TMEM266: variants seen among roughly 807,000 people sequenced by gnomAD.
TMEM266 encodes Hv1 related protein 1.
In TMEM266, 33 loss-of-function variants were observed where a neutral mutation model predicts 50.5. The ratio of observed to expected loss-of-function variants is 0.65; its 90% CI spans 0.50 to 0.87. TMEM266 has a LOEUF of 0.87. TMEM266 is among the 40% of genes least tolerant of loss of function. The probability of loss-of-function intolerance (pLI) is 0.00; values close to 1 mark genes in which losing one functional copy is unlikely to be tolerated. For missense variants in TMEM266, 655 were observed against 695.1 expected, an observed-to-expected ratio of 0.94 and a Z score of 0.65; for synonymous variants, 310 against 292.3, an observed-to-expected ratio of 1.06 and a Z score of -0.62.
chr15:76,143,164 C>G (rs1397933800), intron 3 of TMEM266, among the ~76,000 whole-genome samples: 1 of 152,208 alleles, frequency 6.6e-6, no homozygotes, highest in Non-Finnish European at 1.5e-5. Context: ...CCTTCTCAGG[C>G]ACCTGCTTCA....
chr15:76,092,289 C>T (rs1043618237), intron 1 of TMEM266, among the ~76,000 whole-genome samples: 3 of 152,042 alleles, frequency 2.0e-5, no homozygotes, highest in African/African-American at 7.2e-5. Context: ...TTTCCCAAAG[C>T]ATGCTAAACT....
At chr15:76,097,358 T>C (rs922648935) in intron 1 of TMEM266, among the ~76,000 whole-genome samples, 2 of 152,066 alleles carry the variant, frequency 1.3e-5, no homozygotes, top group African/African-American at 2.4e-5. Flanking sequence ...GTTTTATTTC[T>C]CCTTCACTTA....
chr15:76,198,076 G>A (rs990356985), intron 9 of TMEM266, among the ~76,000 whole-genome samples: 1 of 152,168 alleles, frequency 6.6e-6, no homozygotes, highest in African/African-American at 2.4e-5. Context: ...GTTCAGGGAG[G>A]CAAGGGATGG....
intron 8 of TMEM266, chr15:76,175,998 T>G: frequency 4.1e-6 from 1 of 245,236 alleles, no homozygotes. Context: ...ACATGGTCGG[T>G]CTCTAAAGCC....
rs183339177 is a variant in TMEM266, at chr15:76,153,527, A to T, written c.228-3077A>T. ...GTTTTAGGGGCCGCAGACAACGGTA[A>T]TGGGCATTGGGGAGAATGTGGAATT... On this transcript the variant is annotated intron_variant, in intron 3 of 10. Transcript: ENST00000388942. This position sits in a 1 kb window ranked among gnomAD's most constrained non-coding sequence, Gnocchi z 4.2. Among the ~76,000 whole-genome samples, 30 of 152,314 alleles carry T rather than the reference A, an allele frequency of 2.0e-4. No homozygotes were observed. Among genetic ancestry groups the T allele is most frequent in the Admixed American group, 1.4e-3 (21 of 15,308 alleles).
chr15:76,062,715 A>T (rs976601672), intron 1 of TMEM266, among the ~76,000 whole-genome samples: 2 of 152,246 alleles, frequency 1.3e-5, no homozygotes, highest in African/African-American at 4.8e-5. Context: ...ATTTCATTTA[A>T]TGCAGAGCTG....
chr15:76,120,731 A>G (rs940901911), intron 1 of TMEM266, among the ~76,000 whole-genome samples: 3 of 146,438 alleles, frequency 2.0e-5, no homozygotes, highest in African/African-American at 7.7e-5. Context: ...GCTGCACTCC[A>G]GCCTGGGTTA....
intron 1 of TMEM266, among the ~76,000 whole-genome samples, chr15:76,093,007 C>G (rs1192795623): frequency 6.6e-6 from 1 of 151,352 alleles, no homozygotes; most frequent in African/African-American, 2.4e-5. Context: ...GGGGTTTCAC[C>G]ATATTGGTCA....
intron 1 of TMEM266, among the ~76,000 whole-genome samples, chr15:76,116,982 C>A (rs79239414): frequency 6.6e-6 from 1 of 151,086 alleles, no homozygotes; most frequent in East Asian, 1.9e-4. Flanking sequence ...TCACTGCAAC[C>A]TCCACCTCCC....
In TMEM266 at chr15:76,202,919, A is replaced by G. The variant is rs543064882; in HGVS notation, c.1021+655A>G. Reference sequence around the variant, plus strand: ...TGCATTTGAATTTTTTGTTTTCCACAATTTAGTCTCCCTAAGGCCTCATCC... The same window carrying G: ...TGCATTTGAATTTTTTGTTTTCCACGATTTAGTCTCCCTAAGGCCTCATCC... On this transcript the variant is annotated intron_variant, in intron 10 of 10. Coordinates refer to ENST00000388942, the MANE Select transcript of TMEM266 (RefSeq NM_152335.3). Among the ~76,000 whole-genome samples the G allele has an allele frequency of 3.3e-5, 5 of 151,970 alleles. No individual in the cohort carries two copies. The East Asian group carries it at 9.7e-4, about 29-fold the overall frequency.
At chr15:76,201,244 T>G (rs2038742235) in intron 9 of TMEM266, among the ~76,000 whole-genome samples, 2 of 152,184 alleles carry the variant, frequency 1.3e-5, no homozygotes, top group African/African-American at 4.8e-5. Context: ...GGCCCCTCAC[T>G]GCCTCGCTGC....
intron 9 of TMEM266, among the ~76,000 whole-genome samples, chr15:76,195,565 T>C (rs2038641203): frequency 6.6e-6 from 1 of 152,248 alleles, no homozygotes; most frequent in Non-Finnish European, 1.5e-5. Flanking sequence ...AGATTTACCA[T>C]CTCAGCCCAT....
At chr15:76,184,683 G>A (rs369965494) in intron 8 of TMEM266, among the ~76,000 whole-genome samples, 8 of 152,092 alleles carry the variant, frequency 5.3e-5, no homozygotes, top group African/African-American at 1.9e-4. Flanking sequence ...CTCCACAACC[G>A]GACCATTAAA....
chr15:76,137,777 A>T lies in TMEM266; in HGVS notation c.109A>T (p.Ile37Phe). 1.2e-6 allele frequency: 2 copies of T among 1,614,228 alleles called. No individual in the cohort carries two copies. The highest frequency in any genetic ancestry group is 8.5e-7 in the Non-Finnish European group (1 of 1,180,040). ...ACAAGTAGACGAAGAAACCAAGAGC[A>T]TTGCTCCTGTGCAGCTGGTGAACTT... Residue 37 changes from isoleucine to phenylalanine, a missense_variant, in exon 3 of 11, where the codon ATT (isoleucine) becomes TTT (phenylalanine). Physicochemically the swap from Ile to Phe is conservative, Grantham distance 21. This residue lies in a region of TMEM266 where 99 missense variants were observed against 110.8 expected (regional missense o/e 0.89). Coordinates refer to ENST00000388942, the MANE Select transcript of TMEM266 (RefSeq NM_152335.3).
chr15:76,148,747 C>G (rs1301664586), intron 3 of TMEM266, among the ~76,000 whole-genome samples: 1 of 107,918 alleles, frequency 9.3e-6, no homozygotes, highest in African/African-American at 3.6e-5. Context: ...TGAGCTCTTG[C>G]CACCATACCC....
At position 76,161,325 on chromosome 15, in the gene TMEM266, C is replaced by T. The variant is rs1277870882; in HGVS notation, c.456+1157C>T. Among the ~76,000 whole-genome samples, 5 of 152,126 alleles carry T rather than the reference C, an allele frequency of 3.3e-5. No homozygotes were observed. Among genetic ancestry groups the T allele is most frequent in the East Asian group, 1.9e-4 (1 of 5,190 alleles). ...CTGAGGCACAGGGGCTCTGGGACCC[C>T]GAGACGGGGGGCCTTGAAGGGAGGA... is the stretch of plus-strand genomic sequence containing the variant. On this transcript the variant is annotated intron_variant, in intron 5 of 10. Transcript: ENST00000388942. This position sits in a 1 kb window ranked among gnomAD's most constrained non-coding sequence, Gnocchi z 4.1.
chr15:76,083,114 C>T (rs1289516277), intron 1 of TMEM266, among the ~76,000 whole-genome samples: 1 of 152,094 alleles, frequency 6.6e-6, no homozygotes, highest in African/African-American at 2.4e-5. Flanking sequence ...TTCCCACCTC[C>T]AACACTGGGG....
At chr15:76,143,554 C>T (rs906069571) in intron 3 of TMEM266, among the ~76,000 whole-genome samples, 2 of 152,216 alleles carry the variant, frequency 1.3e-5, no homozygotes, top group Admixed American at 1.3e-4. Flanking sequence ...CAAGGTCTCG[C>T]CATGTTACCC....
At position 76,204,466 on chromosome 15, in the gene TMEM266, C is replaced by T; in HGVS notation, c.*151C>T. 1 of 657,182 alleles carries T rather than the reference C, an allele frequency of 1.5e-6. No individual in the cohort carries two copies. Among genetic ancestry groups the T allele is most frequent in the Non-Finnish European group, 2.5e-6 (1 of 392,876 alleles). The allele number at this position is 657,182 out of a possible 1,614,324, so 40.7% of individuals were successfully genotyped here. A position where few individuals can be genotyped will look rare whatever the true frequency, so the allele number is the denominator to read the frequency against. On this transcript the variant is annotated 3_prime_UTR_variant, in exon 11 of 11. Transcript: ENST00000388942. Reference sequence around the variant, plus strand: ...TGCCTCCAGGGAGGCGACGCCAGGCCAGGAGGCCACAAGCTTCAGACCTCA... The same window carrying T: ...TGCCTCCAGGGAGGCGACGCCAGGCTAGGAGGCCACAAGCTTCAGACCTCA...
Sources: allele counts gnomAD v4.1 joint callset (sites outside exome capture counted in the v4.1 genomes callset), GRCh38; gene constraint gnomAD v4.1.1; regional missense constraint gnomAD v4.1.1; non-coding constraint Gnocchi (gnomAD v3.1); transcripts MANE v1.5; gene names NCBI Gene and HGNC (gene_info 2026-07-23, HGNC 2026-07-21).